Variants in CEP128 observed in about 807,000 individuals in gnomAD.
CEP128 encodes the protein centrosomal protein 128kDa.
In CEP128, 132 loss-of-function variants were observed where a neutral mutation model predicts 156.7. The ratio of observed to expected loss-of-function variants is 0.84; its 90% confidence interval spans 0.73 to 0.97. The LOEUF (loss-of-function observed/expected upper bound fraction) is 0.97, where lower values mean the gene tolerates loss of function less well. Among genes scored for constraint, CEP128 ranks in the 50% least tolerant of loss-of-function variants. The probability of loss-of-function intolerance (pLI) is 0.00; values close to 1 mark genes in which losing one functional copy is unlikely to be tolerated. For synonymous variants in CEP128, 469 were observed against 448.9 expected, an observed-to-expected ratio of 1.04 and a Z score of -0.57; for missense variants, 1,252 against 1,281.9, an observed-to-expected ratio of 0.98 and a Z score of 0.36.
intron 20 of CEP128, among the ~76,000 whole-genome samples, chr14:80,570,873 A>G (rs911622043): frequency 6.6e-6 from 1 of 152,200 alleles, no homozygotes; most frequent in Non-Finnish European, 1.5e-5. Flanking sequence ...TTTAACAGGC[A>G]TTAGGTAACA....
At chr14:80,763,385 C>A (rs561462268) in intron 16 of CEP128, among the ~76,000 whole-genome samples, 2 of 152,272 alleles carry the variant, frequency 1.3e-5, no homozygotes, top group Non-Finnish European at 2.9e-5. Flanking sequence ...AAGTCTTGCT[C>A]ATATCTAGGA....
intron 16 of CEP128, among the ~76,000 whole-genome samples, chr14:80,762,813 G>A (rs1595363467): frequency 6.6e-6 from 1 of 152,164 alleles, no homozygotes; most frequent in African/African-American, 2.4e-5. Flanking sequence ...GTAGCCAAGA[G>A]ACATTTATCT....
chr14:80,486,323 A>G (rs1006120186), downstream of CEP128, among the ~76,000 whole-genome samples: 2 of 152,086 alleles, frequency 1.3e-5, no homozygotes, highest in Non-Finnish European at 2.9e-5. Flanking sequence ...TAGAGAAAAA[A>G]AAATAAAAAG....
At chr14:80,697,089 C>T (rs1184783389) in intron 19 of CEP128, among the ~76,000 whole-genome samples, 2 of 152,046 alleles carry the variant, frequency 1.3e-5, no homozygotes, top group Admixed American at 6.6e-5. Flanking sequence ...CAGCCTTACT[C>T]CTTGATATTA....
chr14:80,870,570 T>A (rs1166981158), intron 8 of CEP128, among the ~76,000 whole-genome samples: 1 of 151,880 alleles, frequency 6.6e-6, no homozygotes, highest in East Asian at 1.9e-4. Context: ...AAACTTCCAA[T>A]AAATTAGACA....
downstream of CEP128, among the ~76,000 whole-genome samples, chr14:80,493,794 A>G (rs1887404194): frequency 6.6e-6 from 1 of 152,166 alleles, no homozygotes; most frequent in South Asian, 2.1e-4. Context: ...GCTTGAATTT[A>G]GGTAGGATAT....
chr14:80,565,161 T>C (rs570520487), intron 20 of CEP128, among the ~76,000 whole-genome samples: 1 of 152,294 alleles, frequency 6.6e-6, no homozygotes, highest in African/African-American at 2.4e-5. Context: ...ATAACATCAT[T>C]ATTGCAAAAC....
At chr14:80,542,763 G>C (rs1594974378) in intron 21 of CEP128, among the ~76,000 whole-genome samples, 2 of 152,172 alleles carry the variant, frequency 1.3e-5, no homozygotes, top group Admixed American at 6.5e-5. Context: ...ACACCCTCAA[G>C]TAGGTAATCA....
chr14:80,851,937 G>A (rs144386630), intron 9 of CEP128, among the ~76,000 whole-genome samples: 2 of 152,036 alleles, frequency 1.3e-5, no homozygotes, highest in East Asian at 1.9e-4. Flanking sequence ...GATACCACAT[G>A]CACAAAACAG....
At chr14:80,885,412 G>A (rs763693258) in intron 8 of CEP128, among the ~76,000 whole-genome samples, 15 of 152,158 alleles carry the variant, frequency 9.9e-5, no homozygotes, top group Admixed American at 4.6e-4. Context: ...CCTCTGGAAC[G>A]AAGTTTCCAG....
chr14:80,914,118 A>G (rs1297366045), intron 4 of CEP128, among the ~76,000 whole-genome samples: 1 of 152,202 alleles, frequency 6.6e-6, no homozygotes, highest in Non-Finnish European at 1.5e-5. Flanking sequence ...AAAGCCTTCA[A>G]ATTCAATAGA....
intron 13 of CEP128, among the ~76,000 whole-genome samples, chr14:80,827,953 T>C (rs1293565972): frequency 6.6e-6 from 1 of 152,072 alleles, no homozygotes; most frequent in Non-Finnish European, 1.5e-5. Flanking sequence ...GCCAGTCTCC[T>C]GGGTCACACA....
chr14:80,790,081 T>C (rs1672209302), intron 14 of CEP128, among the ~76,000 whole-genome samples: 1 of 152,116 alleles, frequency 6.6e-6, no homozygotes, highest in African/African-American at 2.4e-5. Flanking sequence ...ATATTACATA[T>C]AACTCTTTTT....
intron 19 of CEP128, among the ~76,000 whole-genome samples, chr14:80,652,289 A>C (rs1162695216): frequency 1.3e-5 from 2 of 152,176 alleles, no homozygotes; most frequent in African/African-American, 4.8e-5. Context: ...ATGGGCAAAG[A>C]CTTCATGACT....
chr14:80,701,801 T>C (rs1006747815), intron 19 of CEP128, among the ~76,000 whole-genome samples: 5 of 152,152 alleles, frequency 3.3e-5, no homozygotes, highest in African/African-American at 4.8e-5. Context: ...ACCCCAAAAC[T>C]ACACTCCTCT....
chr14:80,916,667 T>C (rs917237232), intron 2 of CEP128, 105 bp from the exon 3 acceptor site: 2 of 885,054 alleles, frequency 2.3e-6, no homozygotes, highest in African/African-American at 3.4e-5. Context: ...TTTAATACAT[T>C]AGTAATTTTG....
intron 15 of CEP128, among the ~76,000 whole-genome samples, chr14:80,780,112 GA>G (rs140597849): frequency 9.6e-4 from 146 of 152,252 alleles, no homozygotes; most frequent in African/African-American, 3.4e-3. Flanking sequence ...ATAGGTATGA[GA>G]GGGGTGATTC....
At chr14:80,769,979 TG>T (rs1272727274) in intron 16 of CEP128, among the ~76,000 whole-genome samples, 6 of 152,188 alleles carry the variant, frequency 3.9e-5, no homozygotes, top group African/African-American at 1.4e-4. Context: ...CCTCAACCAA[TG>T]GTATACACCA....
chr14:80,477,998 A>C (rs1388013227), exon 15 of CEP128: 3 of 152,104 alleles, frequency 2.0e-5, no homozygotes, highest in African/African-American at 7.2e-5. Context: ...ACTCAAAAGA[A>C]AAGCTCCCCA....
Sources: gnomAD v4.1 joint callset for allele counts (sites outside exome capture counted in the v4.1 genomes callset) on GRCh38, gnomAD v4.1.1 for gene constraint, MANE v1.5 for transcripts, NCBI Gene and HGNC (gene_info 2026-07-23, HGNC 2026-07-21) for gene names.